Variants in LRP1B observed in about 807,000 individuals in gnomAD.
LRP1B encodes the protein LDL receptor related protein 1B.
A neutral mutation model predicts 556.6 loss-of-function variants in LRP1B; 217 were observed. The observed-to-expected ratio is 0.39, with a 90% CI of 0.35 to 0.44. The LOEUF is 0.44. Among genes scored for constraint, LRP1B ranks in the 20% least tolerant of loss-of-function variants. LRP1B has a pLI of 1.00. For missense variants in LRP1B, 5,053 were observed against 5,620.8 expected, an observed-to-expected ratio of 0.90 and a Z score of 3.23; for synonymous variants, 2,047 against 1,865.8, an observed-to-expected ratio of 1.10 and a Z score of -2.50.
intron 7 of LRP1B, among the ~76,000 whole-genome samples, chr2:141,131,257 A>C (rs1188693441): frequency 6.6e-6 from 1 of 151,884 alleles, no homozygotes; most frequent in Non-Finnish European, 1.5e-5. Flanking sequence ...TTCAATAAAA[A>C]TTTTATGCTG....
intron 31 of LRP1B, among the ~76,000 whole-genome samples, chr2:140,831,908 T>C (rs986309542): frequency 7.9e-5 from 12 of 152,064 alleles, no homozygotes; most frequent in Admixed American, 6.5e-4. Flanking sequence ...CCAACAGATA[T>C]ATGAAAAAAT....
chr2:140,828,085 A>T (rs935050572), intron 31 of LRP1B, among the ~76,000 whole-genome samples: 6 of 152,152 alleles, frequency 3.9e-5, no homozygotes, highest in Non-Finnish European at 8.8e-5. Context: ...GGGAACTCGC[A>T]ATCACTAGAT....
intron 2 of LRP1B, among the ~76,000 whole-genome samples, chr2:141,607,766 TA>T (rs1183372745): frequency 6.6e-6 from 1 of 151,602 alleles, no homozygotes; most frequent in Non-Finnish European, 1.5e-5. Flanking sequence ...GTACTAAAAA[TA>T]AAAAATACAT....
At chr2:141,591,926 C>A (rs10178963) in intron 2 of LRP1B, among the ~76,000 whole-genome samples, 71,885 of 151,900 alleles carry the variant, frequency 0.47, 17,416 homozygotes, top group East Asian at 0.75. Context: ...AAAATCTTCT[C>A]GTGGCCCAAT....
intron 7 of LRP1B, among the ~76,000 whole-genome samples, chr2:141,116,274 T>C (rs1700896511): frequency 6.6e-6 from 1 of 152,198 alleles, no homozygotes; most frequent in Non-Finnish European, 1.5e-5. Context: ...AGATACTAAG[T>C]GCATAACTTA....
chr2:141,265,656 T>C (rs1684859782), intron 3 of LRP1B, among the ~76,000 whole-genome samples: 1 of 152,188 alleles, frequency 6.6e-6, no homozygotes, highest in Non-Finnish European at 1.5e-5. Context: ...ACTGTACACA[T>C]TCAATAAAGC....
intron 1 of LRP1B, among the ~76,000 whole-genome samples, chr2:142,045,095 T>C (rs927652894): frequency 1.3e-5 from 2 of 151,240 alleles, no homozygotes; most frequent in Non-Finnish European, 3.0e-5. Flanking sequence ...ACTGACCTTC[T>C]GTAAATGCAA....
intron 5 of LRP1B, among the ~76,000 whole-genome samples, chr2:141,235,909 A>C: frequency 6.6e-6 from 1 of 152,138 alleles, no homozygotes; most frequent in East Asian, 1.9e-4. Flanking sequence ...GTTAAGGACA[A>C]ATTGTACAGG....
chr2:140,832,794 A>T (rs1460869939), intron 31 of LRP1B, among the ~76,000 whole-genome samples: 1 of 152,194 alleles, frequency 6.6e-6, no homozygotes, highest in African/African-American at 2.4e-5. Flanking sequence ...ACAAAAGTAC[A>T]GTTAGAAAGA....
chr2:140,284,726 GT>G (rs5834731), intron 84 of LRP1B, among the ~76,000 whole-genome samples: 63,755 of 150,428 alleles, frequency 0.42, 14,890 homozygotes, highest in African/African-American at 0.62. Context: ...TTTGCTTCTA[GT>G]TTTTTTTTTC....
chr2:141,066,368 G>A (rs1185316702), intron 7 of LRP1B, among the ~76,000 whole-genome samples: 3 of 151,916 alleles, frequency 2.0e-5, no homozygotes, highest in South Asian at 2.1e-4. Context: ...AAGAAACTTC[G>A]AGTATTATTG....
chr2:141,731,122 C>A (rs149044590), intron 2 of LRP1B, among the ~76,000 whole-genome samples: 22 of 152,188 alleles, frequency 1.4e-4, no homozygotes, highest in Non-Finnish European at 2.9e-4. Context: ...TAAGGGTCCT[C>A]CTTTATTTTC....
chr2:140,532,931 T>G (rs540554541), intron 47 of LRP1B, among the ~76,000 whole-genome samples: 7 of 108,400 alleles, frequency 6.5e-5, no homozygotes, highest in African/African-American at 2.2e-4. Flanking sequence ...CAGCACAAGA[T>G]ATATATATAT....
At chr2:140,971,328 A>G (rs1413721161) in intron 18 of LRP1B, among the ~76,000 whole-genome samples, 1 of 152,138 alleles carries the variant, frequency 6.6e-6, no homozygotes, top group Non-Finnish European at 1.5e-5. Flanking sequence ...AGCCACCAGA[A>G]GCTGAAAAAA....
intron 7 of LRP1B, among the ~76,000 whole-genome samples, chr2:141,179,697 T>C (rs112761306): frequency 8.6e-5 from 13 of 151,844 alleles, no homozygotes; most frequent in African/African-American, 2.9e-4. Context: ...CGACCACCAT[T>C]ATCATCTGGA....
At chr2:141,347,880 T>G (rs1051553127) in intron 3 of LRP1B, among the ~76,000 whole-genome samples, 20 of 152,218 alleles carry the variant, frequency 1.3e-4, no homozygotes, top group Non-Finnish European at 2.2e-4. Context: ...ATTATTACCC[T>G]GAAACCTTAA....
intron 77 of LRP1B, among the ~76,000 whole-genome samples, chr2:140,338,476 C>T (rs938024013): frequency 5.9e-5 from 9 of 151,654 alleles, no homozygotes; most frequent in Non-Finnish European, 1.3e-4. Context: ...AACCTACTCT[C>T]AACCTATGGC....
chr2:141,542,448 G>A (rs1203465911), intron 2 of LRP1B, among the ~76,000 whole-genome samples: 9 of 151,860 alleles, frequency 5.9e-5, no homozygotes, highest in Admixed American at 2.0e-4. Flanking sequence ...AAAATATGCA[G>A]CTTTACTTCT....
intron 2 of LRP1B, among the ~76,000 whole-genome samples, chr2:141,635,121 C>T (rs1303868248): frequency 6.7e-6 from 1 of 150,008 alleles, no homozygotes; most frequent in African/African-American, 2.5e-5. Flanking sequence ...AGCACCTCAA[C>T]CCTGCAAAAA....
Sources: allele counts gnomAD v4.1 joint callset (sites outside exome capture counted in the v4.1 genomes callset), GRCh38; gene constraint gnomAD v4.1.1; transcripts MANE v1.5; gene names NCBI Gene and HGNC (gene_info 2026-07-23, HGNC 2026-07-21).